The following SCRG1 variants were observed in gnomAD, a reference collection of about 807,000 sequenced individuals.
SCRG1 encodes stimulator of chondrogenesis 1, also known as scrapie-responsive protein 1.
SCRG1 carries 3 observed loss-of-function variants against 7.7 expected under a neutral mutation model. The ratio of observed to expected loss-of-function variants is 0.39; its 90% CI spans 0.18 to 1.01. The LOEUF is 1.01. Ranked by LOEUF, SCRG1 falls within the 50% of genes least tolerant of loss-of-function variation. The probability of loss-of-function intolerance (pLI) is 0.36; values close to 1 mark genes in which losing one functional copy is unlikely to be tolerated. For missense variants in SCRG1, 110 were observed against 117.2 expected (o/e 0.94, Z 0.28); for synonymous variants, 46 against 41.2 (o/e 1.12, Z -0.44).
the SCRG1 span, among the ~76,000 whole-genome samples, chr4:173,502,340 G>A: frequency 6.6e-6 from 1 of 152,154 alleles, no homozygotes; most frequent in Non-Finnish European, 1.5e-5. The surrounding 1 kb of genome is among the most constrained non-coding windows in gnomAD (Gnocchi z 4.6). Context: ...CTCTGAAAGG[G>A]AATGGGAAAT....
chr4:173,513,387 T>C, the SCRG1 span, among the ~76,000 whole-genome samples: 46 of 152,302 alleles, frequency 3.0e-4, 1 homozygote, highest in South Asian at 9.1e-3. Context: ...TTTACATCAT[T>C]ACTCCCCCCT....
At chr4:173,423,355 AG>A in the SCRG1 span, among the ~76,000 whole-genome samples, 1 of 152,178 alleles carries the variant, frequency 6.6e-6, no homozygotes, top group East Asian at 1.9e-4. Flanking sequence ...GTTTTTCTAG[AG>A]GCCAAAAAAC....
the SCRG1 span, among the ~76,000 whole-genome samples, chr4:173,421,261 A>G: frequency 3.3e-5 from 5 of 152,334 alleles, no homozygotes; most frequent in South Asian, 1.0e-3. Flanking sequence ...GCACTGTGAT[A>G]GCTACTCTTC....
At chr4:173,445,139 TAA>T in the SCRG1 span, among the ~76,000 whole-genome samples, 5 of 152,190 alleles carry the variant, frequency 3.3e-5, no homozygotes, top group Non-Finnish European at 5.9e-5. Context: ...TACATTTATA[TAA>T]AGTTTTTATA....
At chr4:173,508,693 C>T in the SCRG1 span, among the ~76,000 whole-genome samples, 2 of 152,174 alleles carry the variant, frequency 1.3e-5, no homozygotes, top group Non-Finnish European at 2.9e-5. This position sits in a 1 kb window ranked among gnomAD's most constrained non-coding sequence, Gnocchi z 4.4. Flanking sequence ...AATTACATTT[C>T]CCCACCTCCT....
the SCRG1 span, among the ~76,000 whole-genome samples, chr4:173,444,497 T>A: frequency 3.3e-5 from 5 of 152,218 alleles, no homozygotes; most frequent in Non-Finnish European, 7.3e-5. Flanking sequence ...TATAAATGAA[T>A]GGGTATGGCT....
At chr4:173,486,859 G>A in the SCRG1 span, among the ~76,000 whole-genome samples, 1 of 152,256 alleles carries the variant, frequency 6.6e-6, no homozygotes, top group East Asian at 1.9e-4. Context: ...TGATGGCCAG[G>A]TGGCCCTCTT....
upstream of SCRG1, among the ~76,000 whole-genome samples, chr4:173,408,260 A>G (rs181150561): frequency 1.8e-4 from 27 of 152,284 alleles, no homozygotes; most frequent in East Asian, 4.6e-3. Context: ...CAATTCTACG[A>G]AAAAAACCCA....
At chr4:173,473,229 G>A in the SCRG1 span, among the ~76,000 whole-genome samples, 1 of 152,180 alleles carries the variant, frequency 6.6e-6, no homozygotes, top group Non-Finnish European at 1.5e-5. Flanking sequence ...AATAAACCTG[G>A]TTTCTGCCAG....
At chr4:173,443,940 G>GTTTT in the SCRG1 span, among the ~76,000 whole-genome samples, 181 of 115,464 alleles carry the variant, frequency 1.6e-3, 1 homozygote, top group African/African-American at 5.5e-3. Flanking sequence ...CAAAGAGCTT[G>GTTTT]TTTTGTGTGT....
chr4:173,388,154 G>A lies in SCRG1; in HGVS notation c.*187C>T. 2.2e-6 allele frequency: 1 copy of A among 464,836 alleles called. No individual in the cohort carries two copies. The highest frequency in any genetic ancestry group is 3.7e-6 in the Non-Finnish European group (1 of 266,774). 28.8% of individuals were successfully genotyped at this position (464,836 alleles called of 1,614,324 possible). A position where few individuals can be genotyped will look rare whatever the true frequency, so the allele number is the denominator to read the frequency against. Reference sequence around the variant, plus strand: ...TTAACCAATGCCAACAATGTCCACAGAGAAAAATTAGATTGAATTAACTTT... The same window carrying A: ...TTAACCAATGCCAACAATGTCCACAAAGAAAAATTAGATTGAATTAACTTT... On this transcript the variant is annotated 3_prime_UTR_variant, in exon 3 of 3. Transcript: ENST00000296506.
the SCRG1 span, among the ~76,000 whole-genome samples, chr4:173,422,650 A>G: frequency 4.6e-5 from 7 of 152,296 alleles, no homozygotes; most frequent in East Asian, 1.3e-3. Context: ...TAAACAAGAG[A>G]CCTTTGTATA....
chr4:173,500,251 A>G, the SCRG1 span, among the ~76,000 whole-genome samples: 3 of 152,212 alleles, frequency 2.0e-5, no homozygotes, highest in Non-Finnish European at 4.4e-5. Flanking sequence ...GTTGGATCTG[A>G]AGCATTCTTA....
At chr4:173,440,210 C>A in the SCRG1 span, among the ~76,000 whole-genome samples, 2 of 152,182 alleles carry the variant, frequency 1.3e-5, no homozygotes, top group African/African-American at 4.8e-5. Flanking sequence ...TCATTTCTAA[C>A]TTTTGCTCTC....
the SCRG1 span, among the ~76,000 whole-genome samples, chr4:173,518,534 T>C: frequency 6.6e-6 from 1 of 152,136 alleles, no homozygotes; most frequent in Non-Finnish European, 1.5e-5. Context: ...CTGCTCTCTA[T>C]GCTCCCCCTC....
chr4:173,409,613 G>C (rs1175142886), upstream of SCRG1, among the ~76,000 whole-genome samples: 1 of 124,794 alleles, frequency 8.0e-6, no homozygotes, highest in Non-Finnish European at 1.6e-5. Flanking sequence ...TTTTGAGACA[G>C]AGTCTCGCTC....
chr4:173,484,377 TTATGTATATTTTATA>T, the SCRG1 span, among the ~76,000 whole-genome samples: 10 of 34,310 alleles, frequency 2.9e-4, no homozygotes, highest in African/African-American at 8.9e-4. Flanking sequence ...ATATTATATA[TTATGTATATTTTATA>T]CATTATATAT....
chr4:173,441,945 C>T, the SCRG1 span, among the ~76,000 whole-genome samples: 9 of 152,128 alleles, frequency 5.9e-5, no homozygotes, highest in African/African-American at 1.9e-4. Flanking sequence ...CATGATAGAC[C>T]GTAAAATCCA....
chr4:173,512,869 A>G, the SCRG1 span, among the ~76,000 whole-genome samples: 1 of 152,256 alleles, frequency 6.6e-6, no homozygotes, highest in Non-Finnish European at 1.5e-5. Context: ...TGTAGGGAAC[A>G]GTCACCTCTG....
Sources: gnomAD v4.1 joint callset for allele counts (sites outside exome capture counted in the v4.1 genomes callset) on GRCh38, gnomAD v4.1.1 for gene constraint, Gnocchi (gnomAD v3.1) non-coding constraint, MANE v1.5 for transcripts, NCBI Gene and HGNC (gene_info 2026-07-23, HGNC 2026-07-21) for gene names.